ENTREP2: variants seen among roughly 807,000 people sequenced by gnomAD.
The protein encoded by ENTREP2 is endosomal transmembrane epsin interactor 2.
At chr15:29,600,915 T>TTTTTTTTA in the ENTREP2 span, among the ~76,000 whole-genome samples, 4 of 143,524 alleles carry the variant, frequency 2.8e-5, no homozygotes, top group African/African-American at 1.1e-4. Context: ...TTTTTTTTTT[T>TTTTTTTTA]GAGACAGAGT....
the ENTREP2 span, among the ~76,000 whole-genome samples, chr15:29,255,452 C>T: frequency 1.3e-5 from 2 of 152,130 alleles, no homozygotes; most frequent in African/African-American, 4.8e-5. Context: ...CTGTGGAAAG[C>T]AATGTGGAGA....
chr15:29,461,060 CA>C, the ENTREP2 span, among the ~76,000 whole-genome samples: 4,486 of 152,234 alleles, frequency 0.029, 242 homozygotes, highest in African/African-American at 0.1. Flanking sequence ...ATAACTACGG[CA>C]TCAACACGAG....
chr15:29,145,634 A>AC, the ENTREP2 span, among the ~76,000 whole-genome samples: 1 of 150,868 alleles, frequency 6.6e-6, no homozygotes, highest in Non-Finnish European at 1.5e-5. Flanking sequence ...AAAAAAAAAA[A>AC]AAAAAAAAAA....
the ENTREP2 span, among the ~76,000 whole-genome samples, chr15:29,637,774 GC>G: frequency 1.3e-5 from 2 of 152,312 alleles, no homozygotes; most frequent in South Asian, 4.1e-4. Context: ...TGCAGGAGGA[GC>G]TAGAGAAGAG....
chr15:29,285,957 C>T, the ENTREP2 span, among the ~76,000 whole-genome samples: 1 of 151,982 alleles, frequency 6.6e-6, no homozygotes, highest in Non-Finnish European at 1.5e-5. Flanking sequence ...ATGGTCTTCC[C>T]CCAAAAAAGA....
the ENTREP2 span, among the ~76,000 whole-genome samples, chr15:29,516,175 T>C: frequency 6.6e-6 from 1 of 152,052 alleles, no homozygotes; most frequent in Admixed American, 6.6e-5. Context: ...CAGGCATTGG[T>C]ATTTTTAAAA....
chr15:29,543,180 C>T, the ENTREP2 span, among the ~76,000 whole-genome samples: 2 of 152,162 alleles, frequency 1.3e-5, no homozygotes, highest in East Asian at 3.9e-4. Flanking sequence ...TGATTTACAA[C>T]AGGAGGTAAG....
chr15:29,267,996 A>G, the ENTREP2 span: 2 of 152,186 alleles, frequency 1.3e-5, no homozygotes, highest in Non-Finnish European at 2.9e-5. Context: ...AGTGAGAAAT[A>G]TATTTCACCT....
chr15:29,233,707 CTCA>C, the ENTREP2 span: 20 of 1,279,422 alleles, frequency 1.6e-5, no homozygotes, highest in Non-Finnish European at 2.2e-5. Flanking sequence ...CACTCTGTTG[CTCA>C]TCAAGTTACA....
At chr15:29,605,622 A>T in the ENTREP2 span, among the ~76,000 whole-genome samples, 4 of 152,166 alleles carry the variant, frequency 2.6e-5, no homozygotes, top group South Asian at 8.3e-4. Flanking sequence ...AGATCACCTG[A>T]GGTCAGGAGT....
At chr15:29,530,704 A>G in the ENTREP2 span, among the ~76,000 whole-genome samples, 1 of 152,234 alleles carries the variant, frequency 6.6e-6, no homozygotes, top group African/African-American at 2.4e-5. Flanking sequence ...CAACATGCCT[A>G]AGCACAGAAA....
At chr15:29,591,898 A>AAGAAGAAGAAGAAGAAGG in the ENTREP2 span, among the ~76,000 whole-genome samples, 11 of 145,908 alleles carry the variant, frequency 7.5e-5, no homozygotes, top group Non-Finnish European at 1.5e-4. Flanking sequence ...GAAGAAGAAG[A>AAGAAGAAGAAGAAGAAGG]GAGAAAACAC....
chr15:29,312,738 T>C, the ENTREP2 span, among the ~76,000 whole-genome samples: 1 of 152,144 alleles, frequency 6.6e-6, no homozygotes, highest in African/African-American at 2.4e-5. Context: ...TGCCTATCTG[T>C]TCCCTGAGAC....
chr15:29,665,123 G>A, the ENTREP2 span, among the ~76,000 whole-genome samples: 4 of 152,186 alleles, frequency 2.6e-5, no homozygotes, highest in Non-Finnish European at 1.5e-5. Context: ...TTTGGGCACT[G>A]GCTCCCAGCC....
chr15:29,305,810 A>G, the ENTREP2 span, among the ~76,000 whole-genome samples: 1 of 152,244 alleles, frequency 6.6e-6, no homozygotes, highest in African/African-American at 2.4e-5. Context: ...CCAAAAAAGA[A>G]GCTGAACTAA....
At chr15:29,187,129 T>G in the ENTREP2 span, among the ~76,000 whole-genome samples, 1 of 152,164 alleles carries the variant, frequency 6.6e-6, no homozygotes, top group Non-Finnish European at 1.5e-5. Flanking sequence ...GAAAACTGCA[T>G]CCGTCATCCT....
chr15:29,660,704 A>G, the ENTREP2 span, among the ~76,000 whole-genome samples: 2 of 152,350 alleles, frequency 1.3e-5, no homozygotes, highest in East Asian at 3.9e-4. Context: ...TGTGAAAAGT[A>G]GTTTTAAAGT....
chr15:29,552,369 G>A, the ENTREP2 span, among the ~76,000 whole-genome samples: 1 of 152,120 alleles, frequency 6.6e-6, no homozygotes, highest in Non-Finnish European at 1.5e-5. Context: ...AGTAACCACT[G>A]GAAAAACTAA....
chr15:29,460,601 A>G, the ENTREP2 span, among the ~76,000 whole-genome samples: 1 of 152,236 alleles, frequency 6.6e-6, no homozygotes, highest in Non-Finnish European at 1.5e-5. Flanking sequence ...ACTGCACTCC[A>G]GCCTGGGCGA....
Sources: gnomAD v4.1 joint callset for allele counts (sites outside exome capture counted in the v4.1 genomes callset) on GRCh38, gnomAD v4.1.1 for gene constraint, MANE v1.5 for transcripts, NCBI Gene and HGNC (gene_info 2026-07-23, HGNC 2026-07-21) for gene names.